Variants in ZMYM2 observed in about 807,000 individuals in gnomAD.
ZMYM2 encodes the protein zinc finger MYM-type protein 2.
A neutral mutation model predicts 162.8 loss-of-function variants in ZMYM2; 56 were observed. The observed-to-expected ratio is 0.34, with a 90% CI of 0.28 to 0.43. The LOEUF is 0.43. ZMYM2 is among the 20% of genes least tolerant of loss of function. The pLI, the probability that ZMYM2 is intolerant of heterozygous loss-of-function variation, is 1.00. For missense variants in ZMYM2, 1,275 were observed against 1,621.8 expected (o/e 0.79, Z 3.67); for synonymous variants, 510 against 541.6 (o/e 0.94, Z 0.81).
the ZMYM2 span, among the ~76,000 whole-genome samples, chr13:19,949,894 AAAAAG>A: frequency 6.8e-6 from 1 of 146,090 alleles, no homozygotes; most frequent in Non-Finnish European, 1.5e-5. Context: ...CAAAAAAAAA[AAAAAG>A]AAAAGAAAAG....
In ZMYM2 at chr13:19,969,523, T is replaced by C. The variant is rs148706670; in HGVS notation, c.-11+9497T>C. Reference sequence around the variant, plus strand: ...GTGCTGTCAAGCATGTTTTTCATAATTGGTAGTTATTGTGTTAGATGTATG... The same window carrying C: ...GTGCTGTCAAGCATGTTTTTCATAACTGGTAGTTATTGTGTTAGATGTATG... On this transcript the variant is annotated intron_variant, in intron 2 of 24. Transcript: ENST00000610343. Among the ~76,000 whole-genome samples the C allele has an allele frequency of 3.3e-3, 500 of 152,314 alleles. 5 individuals are homozygous for C. Among genetic ancestry groups the C allele is most frequent in the African/African-American group, 0.012 (479 of 41,568 alleles).
intron 12 of ZMYM2, 21 bp downstream of exon 12, chr13:20,036,930 A>G (rs759993506): frequency 4.9e-5 from 78 of 1,588,238 alleles, no homozygotes; most frequent in Non-Finnish European, 6.3e-5. Context: ...CCTTTATTAC[A>G]GCAGCTACTT....
intron 2 of ZMYM2, chr13:19,965,218 A>T (rs1479098895): frequency 7.8e-7 from 1 of 1,284,482 alleles, no homozygotes. Flanking sequence ...TTTACTTTAT[A>T]GCCATACATG....
chr13:19,982,460 G>A (rs1282475011), intron 2 of ZMYM2, among the ~76,000 whole-genome samples: 1 of 151,730 alleles, frequency 6.6e-6, no homozygotes, highest in Non-Finnish European at 1.5e-5. Context: ...GCTAATTCTT[G>A]TATTTTTAGT....
chr13:20,057,045 G>A (rs1412104317), intron 14 of ZMYM2, among the ~76,000 whole-genome samples: 5 of 152,156 alleles, frequency 3.3e-5, no homozygotes, highest in Admixed American at 3.3e-4. Flanking sequence ...ACACAGCGCA[G>A]TACCTCATCA....
At chr13:19,991,163 G>C (rs1227073900) in intron 2 of ZMYM2, among the ~76,000 whole-genome samples, 2 of 151,284 alleles carry the variant, frequency 1.3e-5, no homozygotes, top group East Asian at 3.9e-4. Context: ...GCCCAGGCTG[G>C]AATATAGTGG....
At chr13:20,025,650 T>G (rs1248369185) in intron 7 of ZMYM2, 1 of 152,858 alleles carries the variant, frequency 6.5e-6, no homozygotes, top group Non-Finnish European at 1.5e-5. Context: ...CTTTTGTTGT[T>G]GTTGTTGTTG....
At chr13:20,028,077 A>G (rs537197384) in intron 9 of ZMYM2, 1 of 176,720 alleles carries the variant, frequency 5.7e-6, no homozygotes, top group Non-Finnish European at 1.2e-5. Flanking sequence ...ACTGTGCTCT[A>G]TGTTAATTTA....
intron 2 of ZMYM2, among the ~76,000 whole-genome samples, chr13:19,983,360 G>T (rs558311066): frequency 3.8e-4 from 58 of 152,180 alleles, no homozygotes; most frequent in Non-Finnish European, 7.6e-4. Flanking sequence ...TGGCCAGGCT[G>T]GTCTCAAACT....
At chr13:19,939,984 C>G in the ZMYM2 span, among the ~76,000 whole-genome samples, 6 of 152,012 alleles carry the variant, frequency 3.9e-5, no homozygotes, top group Admixed American at 3.9e-4. Context: ...GGAACAATGT[C>G]GATAACGTAT....
At position 20,064,574 on chromosome 13, in the gene ZMYM2, A is replaced by G. The variant is rs1956526474; in HGVS notation, c.3132+29A>G. ...CATTCACTTAATAGCCTATATAACA[A>G]TATTTCTCTATAGGCAAACAAGGAT... On this transcript the variant is annotated intron_variant, in intron 19 of 24. Coordinates refer to ENST00000610343, the MANE Select transcript of ZMYM2 (RefSeq NM_197968.4). 4 of 1,489,096 alleles carry G rather than the reference A, an allele frequency of 2.7e-6. No homozygotes were observed. In the Admixed American group the frequency reaches 6.3e-5, roughly 24 times the overall value. The allele number at this position is 1,489,096 out of a possible 1,614,324, so 92.2% of individuals were successfully genotyped here. A position where few individuals can be genotyped will look rare whatever the true frequency, so the allele number is the denominator to read the frequency against.
chr13:19,913,722 C>T, the ZMYM2 span, among the ~76,000 whole-genome samples: 1 of 152,268 alleles, frequency 6.6e-6, no homozygotes, highest in South Asian at 2.1e-4. Flanking sequence ...CAGAATAAGA[C>T]TCTGTCTCAA....
intron 15 of ZMYM2, 114 bp from the exon 16 acceptor site, chr13:20,059,330 TAAA>T (rs11432433): frequency 4.0e-6 from 3 of 758,640 alleles, no homozygotes; most frequent in Non-Finnish European, 5.6e-6. Context: ...AACTGGGAAT[TAAA>T]AAAAAAAAGG....
chr13:20,051,877 T>C (rs568594809), intron 13 of ZMYM2, among the ~76,000 whole-genome samples: 4 of 152,190 alleles, frequency 2.6e-5, no homozygotes, highest in Non-Finnish European at 4.4e-5. Flanking sequence ...TTAAAAAGAA[T>C]AGACATCTAA....
At chr13:19,959,252 G>T (rs1357552653) in intron 1 of ZMYM2, among the ~76,000 whole-genome samples, 1 of 151,026 alleles carries the variant, frequency 6.6e-6, no homozygotes, top group Non-Finnish European at 1.5e-5. Context: ...CTTTCTCTCC[G>T]GCGGGGGGCG....
chr13:20,083,384 C>T (rs987142689), intron 23 of ZMYM2, among the ~76,000 whole-genome samples: 2 of 152,188 alleles, frequency 1.3e-5, no homozygotes, highest in African/African-American at 4.8e-5. Context: ...TTGGGATTGT[C>T]TATGGTAGGG....
intron 12 of ZMYM2, among the ~76,000 whole-genome samples, chr13:20,037,161 C>T (rs1037047089): frequency 6.7e-6 from 1 of 148,254 alleles, no homozygotes; most frequent in East Asian, 2.0e-4. Context: ...TGTAGTTTAA[C>T]AAAATGGATT....
rs558435122 is a variant in ZMYM2 at position 20,034,479 on chromosome 13, G to A, written c.2119+75G>A. On this transcript the variant is annotated intron_variant, in intron 11 of 24. Transcript: ENST00000610343. ...TTTTTGCCAAAATAATATATCCAGA[G>A]TGGCTGCACAATTTTAATGTAGCTG... is the stretch of plus-strand genomic sequence containing the variant. 24 of 1,314,044 alleles carry A rather than the reference G, an allele frequency of 1.8e-5. No individual in the cohort carries two copies. The African/African-American group carries it at 3.0e-4, about 17-fold the overall frequency. 81.4% of individuals were successfully genotyped at this position (1,314,044 alleles called of 1,614,324 possible).
chr13:19,872,660 A>C, the ZMYM2 span, among the ~76,000 whole-genome samples: 6 of 152,232 alleles, frequency 3.9e-5, no homozygotes, highest in Non-Finnish European at 8.8e-5. Context: ...CTACGCTTTC[A>C]TTCAGATTCT....
Sources: allele counts gnomAD v4.1 joint callset (sites outside exome capture counted in the v4.1 genomes callset), GRCh38; gene constraint gnomAD v4.1.1; transcripts MANE v1.5; gene names NCBI Gene and HGNC (gene_info 2026-07-23, HGNC 2026-07-21).